OPRM1: variants seen among roughly 807,000 people sequenced by gnomAD.
OPRM1 encodes the protein opioid receptor mu 1.
Under a neutral mutation model 31.8 loss-of-function variants are expected in OPRM1, and 27 were observed. The observed-to-expected ratio is 0.85, with a 90% CI of 0.63 to 1.17. The LOEUF (loss-of-function observed/expected upper bound fraction) is 1.17, where lower values mean the gene tolerates loss of function less well. Among genes scored for constraint, OPRM1 ranks in the 50% most tolerant of loss-of-function variants. The probability of loss-of-function intolerance (pLI) is 0.00; values close to 1 mark genes in which losing one functional copy is unlikely to be tolerated. For missense variants in OPRM1, 536 were observed against 511.1 expected, an observed-to-expected ratio of 1.05 and a Z score of -0.47; for synonymous variants, 196 against 189.9, an observed-to-expected ratio of 1.03 and a Z score of -0.26.
chr6:154,224,573 T>C (rs1438600080), intron 3 of OPRM1, among the ~76,000 whole-genome samples: 2 of 152,054 alleles, frequency 1.3e-5, no homozygotes, highest in Non-Finnish European at 2.9e-5. Flanking sequence ...TAGCTGGTCA[T>C]GGTGGTGGGC....
intron 3 of OPRM1, among the ~76,000 whole-genome samples, chr6:154,095,835 T>A (rs1399327178): frequency 6.6e-6 from 1 of 152,314 alleles, no homozygotes; most frequent in Non-Finnish European, 1.5e-5. Context: ...TCATTTTCCA[T>A]CTGTTCTCAG....
chr6:154,037,350 A>G (rs372445663), upstream of OPRM1, among the ~76,000 whole-genome samples: 20 of 150,858 alleles, frequency 1.3e-4, no homozygotes, highest in African/African-American at 4.9e-4. Context: ...GTGACCAAAA[A>G]ATAAAACTAA....
chr6:154,244,301 G>GTTGT (rs1554298352), intron 3 of OPRM1, among the ~76,000 whole-genome samples: 9 of 147,960 alleles, frequency 6.1e-5, no homozygotes, highest in African/African-American at 2.2e-4. Flanking sequence ...TGTGTGGGTG[G>GTTGT]GTGTGTGTGT....
intron 1 of OPRM1, chr6:154,083,612 A>C (rs1411297585): frequency 6.6e-6 from 1 of 152,392 alleles, no homozygotes; most frequent in East Asian, 1.9e-4. Flanking sequence ...CAAAAGAGCG[A>C]GAGGATGTGG....
chr6:154,109,054 T>C (rs1796021750), intron 3 of OPRM1: 1 of 984,618 alleles, frequency 1.0e-6, no homozygotes, highest in African/African-American at 1.7e-5. Flanking sequence ...AGAATTCTAG[T>C]GTCTAGAACC....
chr6:154,238,839 C>T (rs1221456944), intron 3 of OPRM1, among the ~76,000 whole-genome samples: 1 of 151,958 alleles, frequency 6.6e-6, no homozygotes, highest in Non-Finnish European at 1.5e-5. Flanking sequence ...AGCCACCATG[C>T]CTGGCCCTAT....
At chr6:154,109,792 C>CTCTCTCTCTCTGTG (rs1358444421) in intron 3 of OPRM1, among the ~76,000 whole-genome samples, 4 of 101,198 alleles carry the variant, frequency 4.0e-5, no homozygotes, top group African/African-American at 1.1e-4. Flanking sequence ...CTCTCTCTCT[C>CTCTCTCTCTCTGTG]TGTGTGTGTG....
chr6:154,107,938 A>G, intron 3 of OPRM1: 1 of 569,714 alleles, frequency 1.8e-6, no homozygotes, highest in Non-Finnish European at 3.1e-6. Flanking sequence ...TTTACAGAGG[A>G]GATAAACACT....
intron 3 of OPRM1, among the ~76,000 whole-genome samples, chr6:154,173,358 A>G (rs1562523128): frequency 6.6e-6 from 1 of 152,198 alleles, no homozygotes; most frequent in Non-Finnish European, 1.5e-5. Context: ...AAGGTGGGTA[A>G]TAACAAACTT....
intron 3 of OPRM1, among the ~76,000 whole-genome samples, chr6:154,231,216 A>G (rs1206333340): frequency 6.6e-6 from 1 of 152,228 alleles, no homozygotes; most frequent in Non-Finnish European, 1.5e-5. Flanking sequence ...ATAGAAAGTA[A>G]AAGTAAAAGG....
chr6:154,077,059 CT>C lies in OPRM1; in HGVS notation c.291-12763del, dbSNP rs1788021140. Among the ~76,000 whole-genome samples the C allele has an allele frequency of 2.0e-5, 3 of 152,046 alleles. No homozygotes were observed. In the South Asian group the frequency reaches 6.2e-4, roughly 32 times the overall value. On this transcript the variant is annotated intron_variant, in intron 1 of 3. Coordinates refer to ENST00000330432, the MANE Select transcript of OPRM1 (RefSeq NM_000914.5). Reference sequence around the variant, plus strand: ...AAAAGTCCTCAATAGATCTACAAGCCTTTTCTGTATCTGTGCCCATATTTTC... The same window carrying C: ...AAAAGTCCTCAATAGATCTACAAGCCTTTCTGTATCTGTGCCCATATTTTC...
At chr6:154,148,424 C>T (rs1217541704) in intron 3 of OPRM1, among the ~76,000 whole-genome samples, 2 of 152,218 alleles carry the variant, frequency 1.3e-5, no homozygotes, top group African/African-American at 4.8e-5. Flanking sequence ...GCAGCAGTAG[C>T]TTGCAGCCTT....
Position 154,119,138 on chromosome 6 carries a change from C to T in OPRM1, c.*417C>T. On this transcript the variant is annotated 3_prime_UTR_variant, in exon 4 of 4. Coordinates refer to ENST00000330432, the MANE Select transcript of OPRM1 (RefSeq NM_000914.5). ...GTAAATGCTACCTCTGATCAAAGCA[C>T]CTTGAATGGAAGGTCCGAGTCTTTT... 3.0e-6 allele frequency: 3 copies of T among 991,128 alleles called. No homozygotes were observed. The highest frequency in any genetic ancestry group is 3.6e-6 in the Non-Finnish European group (3 of 833,532). 61.4% of individuals were successfully genotyped at this position (991,128 alleles called of 1,614,324 possible). A position where few individuals can be genotyped will look rare whatever the true frequency, so the allele number is the denominator to read the frequency against.
chr6:154,094,319 G>A (rs1219362441), intron 3 of OPRM1: 1 of 817,004 alleles, frequency 1.2e-6, no homozygotes, highest in African/African-American at 1.8e-5. Context: ...AGTTATCAAG[G>A]TAATTTGATA....
intron 3 of OPRM1, among the ~76,000 whole-genome samples, chr6:154,243,547 A>G (rs1294169613): frequency 7.2e-5 from 11 of 152,228 alleles, no homozygotes; most frequent in African/African-American, 2.4e-4. Context: ...AGGCAGTGTC[A>G]GGCAATGACG....
intron 3 of OPRM1, among the ~76,000 whole-genome samples, chr6:154,231,328 A>C (rs894023661): frequency 2.0e-5 from 3 of 152,268 alleles, no homozygotes; most frequent in Admixed American, 6.5e-5. Context: ...AATGGAACTC[A>C]ACAGAAGGAA....
intron 3 of OPRM1, among the ~76,000 whole-genome samples, chr6:154,218,179 A>T (rs1188919268): frequency 6.6e-6 from 1 of 152,216 alleles, no homozygotes; most frequent in Admixed American, 6.5e-5. Flanking sequence ...AAAGAAAATG[A>T]CAGATGTTTC....
At chr6:154,185,018 T>TA (rs1179940927) in intron 3 of OPRM1, among the ~76,000 whole-genome samples, 7 of 152,136 alleles carry the variant, frequency 4.6e-5, no homozygotes, top group Non-Finnish European at 7.4e-5. Flanking sequence ...TCCTAAAAAG[T>TA]AAAAAAATCA....
Position 154,129,046 on chromosome 6 carries a change from A to G in OPRM1, c.*10325A>G, listed in dbSNP as rs1214754951. Among the ~76,000 whole-genome samples, 1 of 152,134 alleles carries G rather than the reference A, an allele frequency of 6.6e-6. No homozygotes were observed. Among genetic ancestry groups the G allele is most frequent in the East Asian group, 1.9e-4 (1 of 5,180 alleles). On this transcript the variant is annotated 3_prime_UTR_variant, in exon 4 of 4. Transcript: ENST00000330432. ...ATGAGCCACAGACAAAACCTCTCAG[A>G]CACCGAGTTGTAGAAGGAAGGGCTT...
Sources: allele counts gnomAD v4.1 joint callset (sites outside exome capture counted in the v4.1 genomes callset), GRCh38; gene constraint gnomAD v4.1.1; transcripts MANE v1.5; gene names NCBI Gene and HGNC (gene_info 2026-07-23, HGNC 2026-07-21).